The following DOCK3 variants were observed in gnomAD, a reference collection of about 807,000 sequenced individuals.
The protein encoded by DOCK3 is dedicator of cytokinesis 3, also known as dedicator of cytokinesis protein 3.
A neutral mutation model predicts 265.6 loss-of-function variants in DOCK3; 60 were observed. The ratio of observed to expected loss-of-function variants is 0.23; its 90% CI spans 0.18 to 0.28. The LOEUF (loss-of-function observed/expected upper bound fraction) is 0.28. DOCK3 is among the 10% of genes least tolerant of loss of function. The pLI, the probability that DOCK3 is intolerant of heterozygous loss-of-function variation, is 1.00. For synonymous variants in DOCK3, 881 were observed against 938.0 expected (o/e 0.94, Z 1.11); for missense variants, 1,981 against 2,594.3 (o/e 0.76, Z 5.14).
At chr3:50,739,695 T>A (rs6775012) in intron 1 of DOCK3, among the ~76,000 whole-genome samples, 137,760 of 152,134 alleles carry the variant, frequency 0.91, 62,536 homozygotes, top group African/African-American at 0.95. Context: ...ATAAAGAGAA[T>A]GGGCTTGGTT....
chr3:51,138,332 G>A (rs1231782200), intron 9 of DOCK3, among the ~76,000 whole-genome samples: 1 of 151,884 alleles, frequency 6.6e-6, no homozygotes, highest in Non-Finnish European at 1.5e-5. Flanking sequence ...TAAATAAACG[G>A]GTATATAAAC....
intron 1 of DOCK3, among the ~76,000 whole-genome samples, chr3:50,734,602 G>GTTTTGT (rs2038448488): frequency 9.3e-6 from 1 of 107,372 alleles, no homozygotes; most frequent in African/African-American, 3.7e-5. Flanking sequence ...TTTACAGTGA[G>GTTTTGT]TTTTTTTTTT....
chr3:51,030,330 A>C (rs887274437), intron 5 of DOCK3, among the ~76,000 whole-genome samples: 1 of 152,096 alleles, frequency 6.6e-6, no homozygotes, highest in African/African-American at 2.4e-5. Flanking sequence ...GATAATTTTT[A>C]ATTGAATCCC....
At chr3:51,114,625 G>A (rs535814900) in intron 9 of DOCK3, among the ~76,000 whole-genome samples, 43 of 152,256 alleles carry the variant, frequency 2.8e-4, no homozygotes, top group South Asian at 8.3e-4. Flanking sequence ...ACAGGGTTAG[G>A]GAAGGCTTTT....
chr3:51,237,887 TC>T (rs2108487650), intron 21 of DOCK3, among the ~76,000 whole-genome samples: 1 of 151,956 alleles, frequency 6.6e-6, no homozygotes, highest in South Asian at 2.1e-4. Context: ...TAAAAATAAC[TC>T]CCCATTCTCC....
rs1458053598 is a variant in DOCK3, at chr3:51,271,085, A to C, written c.2548+78A>C. On this transcript the variant is annotated intron_variant, in intron 24 of 52. Coordinates refer to ENST00000266037, the MANE Select transcript of DOCK3 (RefSeq NM_004947.5). ...CTTCCAGGGGTGATAGCAAAGTGAT[A>C]ATCAAAGGATCAGTTTCCTCAACGA... The C allele has an allele frequency of 7.6e-6, 11 of 1,442,324 alleles. No homozygotes were observed. In the Admixed American group the frequency reaches 2.0e-4, roughly 26 times the overall value. The allele number at this position is 1,442,324 out of a possible 1,614,324, so 89.3% of individuals were successfully genotyped here. A position where few individuals can be genotyped will look rare whatever the true frequency, so the allele number is the denominator to read the frequency against.
intron 40 of DOCK3, among the ~76,000 whole-genome samples, chr3:51,354,458 G>T (rs1041479929): frequency 1.3e-5 from 2 of 152,124 alleles, no homozygotes; most frequent in African/African-American, 4.8e-5. Context: ...CTTCTTTCCA[G>T]CTCCACCTTT....
chr3:51,314,698 C>G (rs149007830), intron 31 of DOCK3, among the ~76,000 whole-genome samples: 4 of 152,302 alleles, frequency 2.6e-5, no homozygotes, highest in Non-Finnish European at 5.9e-5. Flanking sequence ...AAACTCTGTT[C>G]CTTCATCTCA....
chr3:51,181,516 G>A (rs2087294757), intron 12 of DOCK3, among the ~76,000 whole-genome samples: 1 of 151,952 alleles, frequency 6.6e-6, no homozygotes, highest in Admixed American at 6.6e-5. Context: ...ATGAGAAATA[G>A]TTGAAATTTT....
chr3:51,206,777 G>C (rs1421954601), intron 12 of DOCK3, among the ~76,000 whole-genome samples: 1 of 152,122 alleles, frequency 6.6e-6, no homozygotes, highest in Non-Finnish European at 1.5e-5. Flanking sequence ...TGGAAAGCAA[G>C]ATGTGTAAAA....
chr3:51,305,268 G>A (rs1035072698), intron 27 of DOCK3, among the ~76,000 whole-genome samples: 8 of 151,984 alleles, frequency 5.3e-5, no homozygotes, highest in Non-Finnish European at 7.4e-5. Context: ...TTATAATTAC[G>A]ACTTCCAGAC....
At chr3:51,140,260 C>G (rs1164456384) in intron 9 of DOCK3, among the ~76,000 whole-genome samples, 1 of 152,138 alleles carries the variant, frequency 6.6e-6, no homozygotes, top group Admixed American at 6.5e-5. Context: ...ACTCCATTTC[C>G]TCCAGACCCC....
At chr3:51,365,833 A>G (rs2087112313) in intron 49 of DOCK3, among the ~76,000 whole-genome samples, 1 of 152,218 alleles carries the variant, frequency 6.6e-6, no homozygotes, top group Admixed American at 6.5e-5. Context: ...CCCAGGGATG[A>G]AGCTCCCTTG....
chr3:50,914,349 C>T lies in DOCK3; in HGVS notation c.219-19632C>T, dbSNP rs149724108. 1.6e-4 allele frequency among the ~76,000 whole-genome samples: 25 copies of T among 152,024 alleles called. No homozygotes were observed. In the East Asian group the frequency reaches 3.9e-3, roughly 23 times the overall value. Reference sequence around the variant, plus strand: ...TTGGCATTGATTTCTATAAACTTTCCTCTTAATACCACTTTTGCTGTATCC... The same window carrying T: ...TTGGCATTGATTTCTATAAACTTTCTTCTTAATACCACTTTTGCTGTATCC... On this transcript the variant is annotated intron_variant, in intron 4 of 52. Coordinates refer to ENST00000266037, the MANE Select transcript of DOCK3 (RefSeq NM_004947.5).
chr3:50,877,415 A>T, intron 3 of DOCK3: 2 of 519,774 alleles, frequency 3.8e-6, no homozygotes, highest in South Asian at 2.8e-5. Flanking sequence ...CTTCTTTCCA[A>T]TGGCCCAGAA....
At chr3:50,851,210 C>T (rs2046344821) in intron 3 of DOCK3, among the ~76,000 whole-genome samples, 1 of 152,164 alleles carries the variant, frequency 6.6e-6, no homozygotes, top group Non-Finnish European at 1.5e-5. Flanking sequence ...ACTCTAAATG[C>T]CTGGAGATCT....
intron 40 of DOCK3, among the ~76,000 whole-genome samples, chr3:51,351,593 G>C (rs1172519315): frequency 6.6e-6 from 1 of 151,624 alleles, no homozygotes; most frequent in Non-Finnish European, 1.5e-5. Context: ...CCCCAGGAAG[G>C]CTCTAACTCT....
At chr3:51,153,067 TTTCTGC>T (rs1258877139) in intron 10 of DOCK3, among the ~76,000 whole-genome samples, 4 of 152,240 alleles carry the variant, frequency 2.6e-5, no homozygotes, top group Admixed American at 2.6e-4. Flanking sequence ...TCTGCAGAAG[TTTCTGC>T]TGCCTTTTGT....
At chr3:50,988,338 A>AC (rs34772276) in intron 5 of DOCK3, among the ~76,000 whole-genome samples, 12 of 151,676 alleles carry the variant, frequency 7.9e-5, no homozygotes, top group African/African-American at 1.7e-4. Context: ...ATCAGGGACC[A>AC]CCCCCCCACA....
Sources: gnomAD v4.1 joint callset for allele counts (sites outside exome capture counted in the v4.1 genomes callset) on GRCh38, gnomAD v4.1.1 for gene constraint, MANE v1.5 for transcripts, NCBI Gene and HGNC (gene_info 2026-07-23, HGNC 2026-07-21) for gene names.